The following NUP210 variants were observed in gnomAD, a reference collection of about 807,000 sequenced individuals.
The protein encoded by NUP210 is nucleoporin 210.
Under a neutral mutation model 196.0 loss-of-function variants are expected in NUP210, and 151 were observed. The observed-to-expected ratio is 0.77, with a 90% confidence interval of 0.67 to 0.88. The LOEUF is 0.88. Ranked by LOEUF, NUP210 falls within the 40% of genes least tolerant of loss-of-function variation. NUP210 has a pLI of 0.00. For missense variants in NUP210, 2,314 were observed against 2,493.7 expected, an observed-to-expected ratio of 0.93 and a Z score of 1.53; for synonymous variants, 1,070 against 1,052.7, an observed-to-expected ratio of 1.02 and a Z score of -0.32.
chr3:13,352,031 A>G, intron 19 of NUP210, 49 bp downstream of exon 19: 4 of 1,600,036 alleles, frequency 2.5e-6, no homozygotes, highest in Non-Finnish European at 3.4e-6. Flanking sequence ...GAGGGCGAGG[A>G]GTCCCCCCGT....
chr3:13,337,022 C>T, intron 26 of NUP210, 104 bp from the exon 27 acceptor site: 1 of 1,394,250 alleles, frequency 7.2e-7, no homozygotes, highest in South Asian at 1.2e-5. Context: ...AACCCAATTC[C>T]TCCCCAACTA....
intron 1 of NUP210, among the ~76,000 whole-genome samples, chr3:13,400,711 G>C (rs1378984334): frequency 6.6e-6 from 1 of 152,130 alleles, no homozygotes; most frequent in Non-Finnish European, 1.5e-5. Context: ...CCAGGATCTG[G>C]GGTGAAGCAG....
At position 13,360,399 on chromosome 3, in the gene NUP210, C is replaced by T. The variant is rs370837408; in HGVS notation, c.2025G>A (p.Pro675=). Residue 675 remains proline (P), a synonymous_variant, in exon 15 of 40, where the codon CCG becomes CCA. Transcript: ENST00000254508. ...CGGTGACGTTCTGGAAGAATTTGGA[C>T]GGCTCGAGGATCCAAGGTCTGGGAC... ...EGGPRPWILE[P]SKFFQNVTAE... 9.0e-5 allele frequency: 145 copies of T among 1,613,970 alleles called. 1 individual carries two copies. Among genetic ancestry groups the T allele is most frequent in the South Asian group, 2.7e-4 (25 of 91,046 alleles).
At chr3:13,388,578 C>T in intron 4 of NUP210, 125 bp from the exon 5 acceptor site, 10 of 1,014,376 alleles carry the variant, frequency 9.9e-6, no homozygotes, top group Non-Finnish European at 1.1e-5. Context: ...GGGGTGTCCC[C>T]CTAGTCAGGG....
intron 14 of NUP210, among the ~76,000 whole-genome samples, chr3:13,363,488 C>G (rs58358051): frequency 6.6e-6 from 1 of 152,364 alleles, no homozygotes; most frequent in South Asian, 2.1e-4. Flanking sequence ...CTGTTTAATT[C>G]TCTCCCTTAG....
chr3:13,385,378 G>A (rs114052875), intron 6 of NUP210, among the ~76,000 whole-genome samples: 1 of 152,306 alleles, frequency 6.6e-6, no homozygotes, highest in African/African-American at 2.4e-5. Flanking sequence ...GACCCTTCAG[G>A]TCCTATGCTC....
intron 1 of NUP210, among the ~76,000 whole-genome samples, chr3:13,406,449 C>T (rs1329288836): frequency 6.6e-6 from 1 of 152,146 alleles, no homozygotes; most frequent in Non-Finnish European, 1.5e-5. Flanking sequence ...CCATAGGTGG[C>T]CCATGTAGCC....
chr3:13,375,067 A>G (rs1296629457), intron 11 of NUP210, among the ~76,000 whole-genome samples: 1 of 152,162 alleles, frequency 6.6e-6, no homozygotes, highest in Non-Finnish European at 1.5e-5. Context: ...AATGCTTTCA[A>G]AAAAGATTTT....
At position 13,328,940 on chromosome 3, in the gene NUP210, G is replaced by A. The variant is rs1398632468; in HGVS notation, c.4117C>T (p.Pro1373Ser). The A allele has an allele frequency of 6.2e-7, 1 of 1,613,734 alleles. No individual in the cohort carries two copies. The highest frequency in any genetic ancestry group is 1.7e-5 in the Admixed American group (1 of 60,012). ...QTIIVAVKVS[P>S]VSYLRVSMSP... ...ATGGAAACCCTCAGGTAGGAAACAG[G>A]GGATACCTAAGGGACAACATACAGG... The change falls in exon 31 of 40, where the codon CCT becomes TCT. Residue 1373 changes from proline to serine, a missense_variant. Physicochemically the swap from Pro to Ser is moderately conservative, Grantham distance 74. Transcript: ENST00000254508.
In NUP210 at chr3:13,352,165, A is replaced by G. The variant is rs763005337; in HGVS notation, c.2648T>C (p.Leu883Pro). 1.9e-6 allele frequency: 3 copies of G among 1,613,288 alleles called. No homozygotes were observed. Among genetic ancestry groups the G allele is most frequent in the Admixed American group, 1.7e-5 (1 of 60,004 alleles). ...TKQPHDPLVP[L>P]SASIELILVE... ...CAGGATGAGCTCTATGGAGGCCGACAGAGGCACCAGAGGGTCATGCTGAAG... is the reference window on the plus strand; with the variant it reads ...CAGGATGAGCTCTATGGAGGCCGACGGAGGCACCAGAGGGTCATGCTGAAG... The change falls in exon 19 of 40, where the codon CTG becomes CCG. Residue 883 changes from leucine (L) to proline (P), a missense_variant. Coordinates refer to ENST00000254508, the MANE Select transcript of NUP210 (RefSeq NM_024923.4).
chr3:13,335,698 C>A, intron 27 of NUP210, 86 bp from the exon 28 acceptor site: 1 of 1,399,830 alleles, frequency 7.1e-7, no homozygotes, highest in Non-Finnish European at 9.9e-7. Context: ...AGCCCCAGAC[C>A]CCCCAGCCCC....
chr3:13,351,231 G>A (rs1324273911), intron 20 of NUP210, among the ~76,000 whole-genome samples: 1 of 152,120 alleles, frequency 6.6e-6, no homozygotes. Flanking sequence ...GTAGGGAGAG[G>A]GTCAAGAGAG....
At position 13,328,815 on chromosome 3, in the gene NUP210, A is replaced by G; in HGVS notation, c.4242T>C (p.Asp1414=). Residue 1414 remains aspartate (D), a synonymous_variant, in exon 31 of 40, where the codon GAT becomes GAC. Coordinates refer to ENST00000254508, the MANE Select transcript of NUP210 (RefSeq NM_024923.4). The part of the protein sequence containing the change: ...FTVHFHDNSG[D]VFHAHSSVLN... Reference sequence around the variant, plus strand: ...GGACCGAACTGTGAGCATGGAAGACATCTCCAGAGTTGTCGTGGAAGTGGA... The same window carrying G: ...GGACCGAACTGTGAGCATGGAAGACGTCTCCAGAGTTGTCGTGGAAGTGGA... 6.2e-7 allele frequency: 1 copy of G among 1,614,170 alleles called. No homozygotes were observed. The highest frequency in any genetic ancestry group is 2.2e-5 in the East Asian group (1 of 44,888).
chr3:13,329,026 A>T, intron 30 of NUP210, 80 bp from the exon 31 acceptor site: 1 of 1,263,954 alleles, frequency 7.9e-7, no homozygotes, highest in Non-Finnish European at 1.1e-6. Flanking sequence ...CAAGGAGGGG[A>T]CACCTGCCCC....
chr3:13,319,334 A>C lies in NUP210; in HGVS notation c.5384-9T>G. On this transcript the variant is annotated splice_polypyrimidine_tract_variant and intron_variant, in intron 37 of 39. Transcript: ENST00000254508. ...GAAGAGGCTGGCTCCATCTGCCATC[A>C]ATGGGAAGATGAGTTACCAAAACCA... 2.5e-6 allele frequency: 4 copies of C among 1,600,966 alleles called. No individual in the cohort carries two copies. The highest frequency in any genetic ancestry group is 3.4e-6 in the Non-Finnish European group (4 of 1,172,166).
chr3:13,390,519 T>A (rs1296877012), intron 4 of NUP210, among the ~76,000 whole-genome samples: 1 of 152,190 alleles, frequency 6.6e-6, no homozygotes, highest in Non-Finnish European at 1.5e-5. Flanking sequence ...ACAGGAGGCT[T>A]ATGCATCTTA....
Position 13,410,249 on chromosome 3 carries a change from C to T in NUP210, c.167+9811G>A, listed in dbSNP as rs1381994602. 2.0e-5 allele frequency among the ~76,000 whole-genome samples: 3 copies of T among 149,548 alleles called. 1 individual carries two copies. The South Asian group carries it at 6.5e-4, about 32-fold the overall frequency. The stretch of plus-strand genomic sequence containing the variant: ...AGGCTGGAGTGCAATGAGACAATCT[C>T]GGCTCACCGCAGCCTCCACCTCCCA... On this transcript the variant is annotated intron_variant, in intron 1 of 39. Coordinates refer to ENST00000254508, the MANE Select transcript of NUP210 (RefSeq NM_024923.4).
In NUP210 at chr3:13,340,185, G is replaced by A; in HGVS notation, c.3291+51C>T. On this transcript the variant is annotated intron_variant, in intron 24 of 39. Coordinates refer to ENST00000254508, the MANE Select transcript of NUP210 (RefSeq NM_024923.4). The surrounding 1 kb of genome is among the most constrained non-coding windows in gnomAD (Gnocchi z 4.0). ...GCCAGAGGCGGCGTGCCTGGAACCA[G>A]GTGGTGGCCTGCACTGGGGCTGGAG... 1 of 1,610,872 alleles carries A rather than the reference G, an allele frequency of 6.2e-7. No homozygotes were observed. The highest frequency in any genetic ancestry group is 1.3e-5 in the African/African-American group (1 of 75,010).
intron 1 of NUP210, among the ~76,000 whole-genome samples, chr3:13,408,199 C>A (rs767884088): frequency 2.0e-5 from 3 of 152,172 alleles, no homozygotes; most frequent in East Asian, 1.9e-4. Flanking sequence ...ATTGAACCAA[C>A]CTTGCATTCC....
Sources: gnomAD v4.1 joint callset for allele counts (sites outside exome capture counted in the v4.1 genomes callset) on GRCh38, gnomAD v4.1.1 for gene constraint, Gnocchi (gnomAD v3.1) non-coding constraint, MANE v1.5 for transcripts, NCBI Gene and HGNC (gene_info 2026-07-23, HGNC 2026-07-21) for gene names.